The following MLIP variants were observed in gnomAD, a reference collection of about 807,000 sequenced individuals.
MLIP encodes the protein muscular LMNA interacting protein, also known as muscular LMNA-interacting protein.
MLIP carries 79 observed loss-of-function variants against 84.8 expected under a neutral mutation model. The observed-to-expected ratio is 0.93, with a 90% CI of 0.78 to 1.12. The LOEUF (loss-of-function observed/expected upper bound fraction) is 1.12. Among genes scored for constraint, MLIP ranks in the 50% most tolerant of loss-of-function variants. MLIP has a pLI of 0.00. For synonymous variants in MLIP, 504 were observed against 463.0 expected, an observed-to-expected ratio of 1.09 and a Z score of -1.14; for missense variants, 1,257 against 1,160.6, an observed-to-expected ratio of 1.08 and a Z score of -1.21.
chr6:54,207,137 TG>T (rs1056768358), intron 11 of MLIP, among the ~76,000 whole-genome samples: 20 of 151,712 alleles, frequency 1.3e-4, no homozygotes, highest in East Asian at 5.8e-4. Flanking sequence ...AGTTTTGCCA[TG>T]TTTTTTTTTT....
chr6:54,070,466 T>C (rs944699955), intron 1 of MLIP, among the ~76,000 whole-genome samples: 1 of 152,188 alleles, frequency 6.6e-6, no homozygotes, highest in Non-Finnish European at 1.5e-5. Context: ...TGATAGCTAA[T>C]GTAATGTGCC....
At chr6:54,230,152 C>G (rs1780883158) in intron 11 of MLIP, among the ~76,000 whole-genome samples, 1 of 152,140 alleles carries the variant, frequency 6.6e-6, no homozygotes, top group Non-Finnish European at 1.5e-5. Flanking sequence ...AATTGAAGAC[C>G]TTATTCATTC....
intron 5 of MLIP, among the ~76,000 whole-genome samples, chr6:54,158,236 G>T (rs1403135475): frequency 6.6e-6 from 1 of 152,176 alleles, no homozygotes; most frequent in Non-Finnish European, 1.5e-5. Context: ...ACCTCAGAAT[G>T]GGAATAAAGA....
At chr6:54,051,054 C>G (rs891051859) in intron 1 of MLIP, among the ~76,000 whole-genome samples, 7 of 152,076 alleles carry the variant, frequency 4.6e-5, no homozygotes, top group African/African-American at 1.7e-4. Flanking sequence ...TCAAGAAGGT[C>G]TCCCCAAGTC....
intron 1 of MLIP, among the ~76,000 whole-genome samples, chr6:54,099,366 A>G (rs1768465858): frequency 6.6e-6 from 1 of 151,994 alleles, no homozygotes; most frequent in Non-Finnish European, 1.5e-5. Context: ...ATAACTATGC[A>G]CTGAAACAAT....
chr6:54,119,063 A>G (rs185868169), intron 1 of MLIP, among the ~76,000 whole-genome samples: 1 of 95,214 alleles, frequency 1.1e-5, no homozygotes, highest in Admixed American at 1.3e-4. Flanking sequence ...TGAGAATGTA[A>G]GAAAAGGGAA....
chr6:54,230,654 C>T (rs1780926722), intron 11 of MLIP, 60 bp from the exon 12 acceptor site: 2 of 1,499,314 alleles, frequency 1.3e-6, no homozygotes, highest in East Asian at 4.5e-5. Context: ...AGACCTAATT[C>T]CAAGCGTGCT....
chr6:54,153,031 A>C (rs1254345945), intron 5 of MLIP, among the ~76,000 whole-genome samples: 1 of 152,098 alleles, frequency 6.6e-6, no homozygotes, highest in Non-Finnish European at 1.5e-5. Flanking sequence ...GGCTGGGGCT[A>C]GGTACAATGT....
chr6:54,058,258 A>G (rs1765773521), intron 1 of MLIP, among the ~76,000 whole-genome samples: 1 of 152,212 alleles, frequency 6.6e-6, no homozygotes, highest in Non-Finnish European at 1.5e-5. Context: ...ATAAATAATT[A>G]TTAATCATCT....
chr6:54,137,384 T>C lies in MLIP; in HGVS notation c.1315T>C (p.Phe439Leu), dbSNP rs1771905321. 1 of 1,536,026 alleles carries C rather than the reference T, an allele frequency of 6.5e-7. No individual in the cohort carries two copies. Among genetic ancestry groups the C allele is most frequent in the South Asian group, 1.2e-5 (1 of 84,030 alleles). The change falls in exon 4 of 14, where the codon TTC (phenylalanine) becomes CTC (leucine). Residue 439 changes from phenylalanine to leucine, a missense_variant. Physicochemically the swap from Phe to Leu is conservative, Grantham distance 22. Transcript: ENST00000502396. ...CTTTTCCCCTGCATCCTGTCCCACC[T>C]TCTCTCTCAACTCCCCGGCCTCTTC... ...RPFSPASCPT[F>L]SLNSPASSTL...
At chr6:54,189,309 G>C (rs971979610) in intron 9 of MLIP, among the ~76,000 whole-genome samples, 5 of 152,114 alleles carry the variant, frequency 3.3e-5, no homozygotes, top group African/African-American at 1.2e-4. Flanking sequence ...ACTAAATCCA[G>C]ATGAAAGGGT....
intron 1 of MLIP, among the ~76,000 whole-genome samples, chr6:54,098,148 CTTTTT>C (rs5876357): frequency 5.7e-5 from 7 of 123,858 alleles, no homozygotes; most frequent in African/African-American, 9.6e-5. Flanking sequence ...ATTTTTCTTT[CTTTTT>C]TTTTTTTTTT....
At chr6:54,030,913 A>G (rs1178406620) in intron 1 of MLIP, among the ~76,000 whole-genome samples, 1 of 152,222 alleles carries the variant, frequency 6.6e-6, no homozygotes, top group Non-Finnish European at 1.5e-5. Flanking sequence ...AAGTAAAAAT[A>G]GTGGACACAG....
At chr6:54,192,821 AAAAC>A (rs1778040697) in intron 10 of MLIP, among the ~76,000 whole-genome samples, 3 of 152,146 alleles carry the variant, frequency 2.0e-5, no homozygotes, top group Non-Finnish European at 2.9e-5. Flanking sequence ...TGTTTTGTGT[AAAAC>A]AAACTAAATA....
At chr6:54,161,765 T>G (rs1206038420) in intron 8 of MLIP, among the ~76,000 whole-genome samples, 1 of 151,986 alleles carries the variant, frequency 6.6e-6, no homozygotes, top group African/African-American at 2.4e-5. Context: ...TATTGTCATA[T>G]TAATTATATT....
chr6:54,171,115 G>T (rs564225361), intron 9 of MLIP, among the ~76,000 whole-genome samples: 63 of 151,512 alleles, frequency 4.2e-4, no homozygotes, highest in African/African-American at 1.5e-3. Context: ...CTCTGGGAGG[G>T]GTTAATTTGG....
At chr6:54,252,953 G>A (rs961123985) in intron 12 of MLIP, among the ~76,000 whole-genome samples, 1 of 151,952 alleles carries the variant, frequency 6.6e-6, no homozygotes, top group Admixed American at 6.6e-5. Context: ...ACTTCCTAAG[G>A]CCTCACTAAC....
intron 11 of MLIP, among the ~76,000 whole-genome samples, chr6:54,208,036 G>T (rs1220091968): frequency 3.3e-5 from 5 of 152,008 alleles, no homozygotes; most frequent in Admixed American, 2.6e-4. Context: ...GCTGAGGCGG[G>T]AGAATGGCGT....
chr6:54,083,735 T>A, intron 1 of MLIP: 1 of 1,165,274 alleles, frequency 8.6e-7, no homozygotes, highest in Non-Finnish European at 1.2e-6. Context: ...AGTAGTTATG[T>A]TTTAGGTGGC....
Sources: gnomAD v4.1 joint callset for allele counts (sites outside exome capture counted in the v4.1 genomes callset) on GRCh38, gnomAD v4.1.1 for gene constraint, MANE v1.5 for transcripts, NCBI Gene and HGNC (gene_info 2026-07-23, HGNC 2026-07-21) for gene names.